The following ACER1 variants were observed in gnomAD, a reference collection of about 807,000 sequenced individuals.
ACER1 encodes the protein alkaline ceramidase 1.
In ACER1, 28 loss-of-function variants were observed where a neutral mutation model predicts 24.9. That is an observed-to-expected ratio of 1.13 (90% CI 0.83 to 1.54). The LOEUF (loss-of-function observed/expected upper bound fraction) is 1.54. ACER1 is among the 40% of genes most tolerant of loss of function. The pLI is 0.00. For synonymous variants in ACER1, 132 were observed against 131.4 expected (o/e 1.00, Z -0.03); for missense variants, 352 against 349.3 (o/e 1.01, Z -0.06).
intron 1 of ACER1, among the ~76,000 whole-genome samples, chr19:6,332,356 C>T (rs2091691929): frequency 6.7e-6 from 1 of 149,966 alleles, no homozygotes; most frequent in Non-Finnish European, 1.5e-5. Flanking sequence ...CTGCATCCTC[C>T]ACTTCTTGGG....
chr19:6,343,854 T>G, the ACER1 span: 1 of 152,162 alleles, frequency 6.6e-6, no homozygotes, highest in African/African-American at 2.4e-5. Context: ...AAGGTGCAAA[T>G]GAACATGTCC....
At chr19:6,311,875 C>T (rs2091583674) in intron 3 of ACER1, among the ~76,000 whole-genome samples, 1 of 151,932 alleles carries the variant, frequency 6.6e-6, no homozygotes, top group Non-Finnish European at 1.5e-5. Flanking sequence ...TCCTGGAACT[C>T]CTGTTGGCTG....
chr19:6,312,179 C>T lies in ACER1; in HGVS notation c.320G>A (p.Cys107Tyr). ...GSGYSIWMPR[C>Y]YFPSFLGGNR... ...CCCCCCAAGGAAGGAGGGGAAATAG[C>T]AGCGGGGCATCCATATGCTATAGCC... The change falls in exon 3 of 6, where the codon TGC (cysteine) becomes TAC (tyrosine). Residue 107 changes from cysteine (C) to tyrosine (Y), a missense_variant. By Grantham distance (194) the Cys-to-Tyr change is radical. Transcript: ENST00000301452. 6.2e-7 allele frequency: 1 copy of T among 1,614,094 alleles called. No homozygotes were observed.
In ACER1 at chr19:6,306,648, C is replaced by T. The variant is rs573288326; in HGVS notation, c.*66G>A. On this transcript the variant is annotated 3_prime_UTR_variant, in exon 6 of 6. Transcript: ENST00000301452. Reference sequence around the variant, plus strand: ...GTGTCCCGCAGGTGCAAGTCCTGACCGGGGCTATCTTCTCAAGACACAGGC... The same window carrying T: ...GTGTCCCGCAGGTGCAAGTCCTGACTGGGGCTATCTTCTCAAGACACAGGC... 3.1e-5 allele frequency: 47 copies of T among 1,533,582 alleles called. 1 individual carries two copies. Among genetic ancestry groups the T allele is most frequent in the South Asian group, 2.4e-4 (19 of 80,176 alleles). 95.0% of individuals were successfully genotyped at this position (1,533,582 alleles called of 1,614,324 possible).
At chr19:6,306,953 T>C (rs1180936967) in intron 5 of ACER1, 71 bp from the exon 6 acceptor site, 5 of 1,545,308 alleles carry the variant, frequency 3.2e-6, no homozygotes, top group Non-Finnish European at 4.4e-6. Context: ...TCTTTTTACT[T>C]CTCATGGCTC....
chr19:6,332,266 C>CTTT (rs1199664621), intron 1 of ACER1, among the ~76,000 whole-genome samples: 1,503 of 99,758 alleles, frequency 0.015, 33 homozygotes, highest in Non-Finnish European at 0.022. Context: ...CGCGCCCGGC[C>CTTT]TTTTTTTTTT....
upstream of ACER1, among the ~76,000 whole-genome samples, chr19:6,337,665 T>C (rs868696809): frequency 2.2e-4 from 12 of 54,700 alleles, no homozygotes; most frequent in African/African-American, 1.4e-3. Flanking sequence ...TTCTTTCTTT[T>C]TTTTTTTTTT....
At chr19:6,329,908 T>A (rs190585646) in intron 1 of ACER1, among the ~76,000 whole-genome samples, 135 of 151,692 alleles carry the variant, frequency 8.9e-4, no homozygotes, top group African/African-American at 3.0e-3. Flanking sequence ...TCTTGCTCTG[T>A]CACCCAGGTT....
intron 3 of ACER1, among the ~76,000 whole-genome samples, chr19:6,310,835 G>A (rs79477947): frequency 0.031 from 4,612 of 149,880 alleles, 167 homozygotes; most frequent in South Asian, 0.15. Context: ...CTAAGATTGC[G>A]CCACTGCACT....
intron 1 of ACER1, among the ~76,000 whole-genome samples, chr19:6,328,944 G>T (rs904317672): frequency 3.3e-5 from 5 of 151,926 alleles, no homozygotes; most frequent in East Asian, 1.9e-4. Context: ...CAAAGTGCTG[G>T]GATTACATGT....
At chr19:6,332,599 T>C (rs922315164) in intron 1 of ACER1, among the ~76,000 whole-genome samples, 2 of 152,024 alleles carry the variant, frequency 1.3e-5, no homozygotes, top group African/African-American at 2.4e-5. Flanking sequence ...GCACTTCCCA[T>C]GTGGTGTTTT....
intron 4 of ACER1, 23 bp from the exon 5 acceptor site, chr19:6,307,313 A>G (rs913132646): frequency 5.6e-6 from 9 of 1,612,964 alleles, no homozygotes; most frequent in Admixed American, 3.3e-5. Context: ...GAGGGGGACC[A>G]GGGGCTGGCT....
In ACER1 at chr19:6,306,615, A is replaced by G; in HGVS notation, c.*99T>C. 7.1e-7 allele frequency: 1 copy of G among 1,409,654 alleles called. No individual in the cohort carries two copies. The highest frequency in any genetic ancestry group is 9.6e-7 in the Non-Finnish European group (1 of 1,037,686). 87.3% of individuals were successfully genotyped at this position (1,409,654 alleles called of 1,614,324 possible). A position where few individuals can be genotyped will look rare whatever the true frequency, so the allele number is the denominator to read the frequency against. ...ACACGGAAGGGGAAACAGAGGAAGG[A>G]ACCACGAGTGTCCCGCAGGTGCAAG... On this transcript the variant is annotated 3_prime_UTR_variant, in exon 6 of 6. Transcript: ENST00000301452.
At chr19:6,335,572 T>G (rs1192379087), upstream of ACER1, among the ~76,000 whole-genome samples, 2 of 152,072 alleles carry the variant, frequency 1.3e-5, no homozygotes, top group African/African-American at 4.8e-5. Flanking sequence ...GGCTCACGCC[T>G]GTAATCCTAG....
the ACER1 span, among the ~76,000 whole-genome samples, chr19:6,357,499 C>T: frequency 1.3e-5 from 2 of 151,822 alleles, no homozygotes; most frequent in African/African-American, 2.4e-5. Flanking sequence ...CAGCCAAGCG[C>T]GGTGGTTCAC....
chr19:6,348,818 G>C, the ACER1 span, among the ~76,000 whole-genome samples: 15 of 152,224 alleles, frequency 9.9e-5, no homozygotes, highest in Admixed American at 4.6e-4. Context: ...AGCACTTTGG[G>C]AGGCCGAGGC....
At chr19:6,354,163 C>G in the ACER1 span, among the ~76,000 whole-genome samples, 4 of 151,712 alleles carry the variant, frequency 2.6e-5, no homozygotes, top group Non-Finnish European at 5.9e-5. Context: ...GCCTGGACAA[C>G]AGAGCAAGAG....
intron 1 of ACER1, 90 bp downstream of exon 1, chr19:6,333,369 C>T (rs1055943577): frequency 9.0e-7 from 1 of 1,117,220 alleles, no homozygotes; most frequent in Admixed American, 2.5e-5. Context: ...GTGAACCACT[C>T]CAGCAAGATT....
Position 6,309,721 on chromosome 19 carries a change from T to C in ACER1, c.464A>G (p.Tyr155Cys). The change falls in exon 4 of 6, where the codon TAC (tyrosine) becomes TGC (cysteine). Residue 155 changes from tyrosine (Y) to cysteine (C), a missense_variant. Tyr to Cys is a radical substitution (Grantham distance 194). Coordinates refer to ENST00000301452, the MANE Select transcript of ACER1 (RefSeq NM_133492.3). ...CTTCCTGTACTCCTGGCACACGATG[T>C]AGAGAATGTGCAGGGCAATGCTGTT... ...ALNSIALHIL[Y>C]IVCQEYRKTS... The C allele has an allele frequency of 6.2e-7, 1 of 1,613,918 alleles. No homozygotes were observed. Among genetic ancestry groups the C allele is most frequent in the African/African-American group, 1.3e-5 (1 of 75,012 alleles).
Sources: gnomAD v4.1 joint callset for allele counts (sites outside exome capture counted in the v4.1 genomes callset) on GRCh38, gnomAD v4.1.1 for gene constraint, MANE v1.5 for transcripts, NCBI Gene and HGNC (gene_info 2026-07-23, HGNC 2026-07-21) for gene names.